Variants in GIPC2 observed in about 807,000 individuals in gnomAD.
GIPC2 encodes the protein GIPC PDZ domain containing family member 2.
In GIPC2, 30 loss-of-function variants were observed where a neutral mutation model predicts 30.6. That is an observed-to-expected ratio of 0.98 (90% CI 0.73 to 1.33). The LOEUF (loss-of-function observed/expected upper bound fraction) is 1.33. Ranked by LOEUF, GIPC2 falls within the 40% of genes most tolerant of loss-of-function variation. GIPC2 has a pLI of 0.00. For synonymous variants in GIPC2, 167 were observed against 150.0 expected (o/e 1.11, Z -0.83); for missense variants, 414 against 390.3 (o/e 1.06, Z -0.51).
rs1661089545 is a variant in GIPC2, at chr1:78,046,471, C to T, written c.240+137C>T. ...GATGCCGTGTTGAGTCCGCCGGGGG[C>T]GTCCCGGGGGAAAGTGAGTGTGCCT... On this transcript the variant is annotated intron_variant, in intron 1 of 5. Coordinates refer to ENST00000370759, the MANE Select transcript of GIPC2 (RefSeq NM_017655.6). The T allele has an allele frequency of 7.9e-6, 6 of 763,474 alleles. No individual in the cohort carries two copies. The Admixed American group carries it at 1.6e-4, about 20-fold the overall frequency. 47.3% of individuals were successfully genotyped at this position (763,474 alleles called of 1,614,324 possible). A position where few individuals can be genotyped will look rare whatever the true frequency, so the allele number is the denominator to read the frequency against.
chr1:78,075,521 G>A (rs1426248188), intron 1 of GIPC2, among the ~76,000 whole-genome samples: 3 of 152,142 alleles, frequency 2.0e-5, no homozygotes, highest in Non-Finnish European at 4.4e-5. Flanking sequence ...TGTCACCAAG[G>A]ACTTAGGTTT....
chr1:78,059,788 A>T (rs1661359173), intron 1 of GIPC2, among the ~76,000 whole-genome samples: 1 of 152,164 alleles, frequency 6.6e-6, no homozygotes, highest in South Asian at 2.1e-4. Context: ...TAACAAAAAG[A>T]AAAAAAGAAA....
Position 78,062,766 on chromosome 1 carries a change from A to G in GIPC2, c.240+16432A>G, listed in dbSNP as rs147993061. Among the ~76,000 whole-genome samples, 813 of 152,000 alleles carry G rather than the reference A, an allele frequency of 5.3e-3. 4 individuals carry two copies. Among genetic ancestry groups the G allele is most frequent in the South Asian group, 0.023 (111 of 4,794 alleles). ...TGAGCTCAGGTGGTCCACCCACCCA[A>G]AGTGCTGGGATTACATTCATGAGCC... is the stretch of plus-strand genomic sequence containing the variant. On this transcript the variant is annotated intron_variant, in intron 1 of 5. Transcript: ENST00000370759.
At chr1:78,103,377 A>C (rs1018350716) in intron 3 of GIPC2, among the ~76,000 whole-genome samples, 1 of 152,214 alleles carries the variant, frequency 6.6e-6, no homozygotes, top group Admixed American at 6.5e-5. Flanking sequence ...TAACCCCTCT[A>C]TAAGCCTGTT....
intron 1 of GIPC2, among the ~76,000 whole-genome samples, chr1:78,072,422 A>G (rs970461271): frequency 1.3e-4 from 20 of 151,812 alleles, no homozygotes; most frequent in African/African-American, 4.4e-4. Context: ...CACATTTACC[A>G]AATATTTTGG....
At chr1:78,104,222 G>A (rs1377276560) in intron 3 of GIPC2, among the ~76,000 whole-genome samples, 2 of 152,036 alleles carry the variant, frequency 1.3e-5, no homozygotes, top group Non-Finnish European at 2.9e-5. Context: ...GATTCAATTA[G>A]GCATTTCTTA....
At chr1:78,093,125 A>G (rs555072748) in intron 2 of GIPC2, among the ~76,000 whole-genome samples, 1 of 152,366 alleles carries the variant, frequency 6.6e-6, no homozygotes, top group South Asian at 2.1e-4. Flanking sequence ...AAGATGTATC[A>G]AGAGATAAAT....
At chr1:78,084,601 T>G (rs1294439075) in intron 2 of GIPC2, among the ~76,000 whole-genome samples, 4 of 152,038 alleles carry the variant, frequency 2.6e-5, no homozygotes, top group Non-Finnish European at 4.4e-5. Context: ...CCCATCAAAA[T>G]TTTTACTTTC....
chr1:78,130,203 A>G (rs1006082161), intron 5 of GIPC2, among the ~76,000 whole-genome samples: 21 of 151,140 alleles, frequency 1.4e-4, no homozygotes, highest in African/African-American at 4.6e-4. Flanking sequence ...CCCGGGTTCA[A>G]GCGATTCTCC....
chr1:78,084,900 T>C (rs992286565), intron 2 of GIPC2, among the ~76,000 whole-genome samples: 3 of 152,162 alleles, frequency 2.0e-5, no homozygotes, highest in Non-Finnish European at 4.4e-5. Flanking sequence ...TAGTTTGACT[T>C]CCTCTTTCCC....
chr1:78,083,001 C>T (rs1264025159), intron 2 of GIPC2, among the ~76,000 whole-genome samples: 1 of 152,010 alleles, frequency 6.6e-6, no homozygotes, highest in East Asian at 1.9e-4. Flanking sequence ...TTACTAAGAA[C>T]AAGGATATTC....
At chr1:78,102,101 A>G (rs1662259757) in intron 3 of GIPC2, among the ~76,000 whole-genome samples, 1 of 152,242 alleles carries the variant, frequency 6.6e-6, no homozygotes, top group African/African-American at 2.4e-5. Context: ...AGAGTTTTCA[A>G]AAGCAGGAAG....
chr1:78,060,506 C>G (rs1028560669), intron 1 of GIPC2, among the ~76,000 whole-genome samples: 1 of 152,182 alleles, frequency 6.6e-6, no homozygotes, highest in Non-Finnish European at 1.5e-5. Flanking sequence ...TCAAGTCCTC[C>G]TCTTCCCATT....
intron 1 of GIPC2, among the ~76,000 whole-genome samples, chr1:78,051,511 T>G (rs1267650860): frequency 1.3e-5 from 2 of 152,188 alleles, no homozygotes; most frequent in African/African-American, 4.8e-5. Context: ...TGTTATTCTT[T>G]TTTTTTTGAA....
At chr1:78,070,623 A>G (rs988690164) in intron 1 of GIPC2, among the ~76,000 whole-genome samples, 1 of 152,032 alleles carries the variant, frequency 6.6e-6, no homozygotes, top group Non-Finnish European at 1.5e-5. Context: ...CACCTATTCC[A>G]ATTCTTTATC....
At chr1:78,131,529 G>T (rs1414648009) in intron 5 of GIPC2, among the ~76,000 whole-genome samples, 1 of 152,044 alleles carries the variant, frequency 6.6e-6, no homozygotes, top group Non-Finnish European at 1.5e-5. Context: ...GTTTATTATT[G>T]CAGTATATTG....
At chr1:78,064,213 G>A (rs979754924) in intron 1 of GIPC2, among the ~76,000 whole-genome samples, 10 of 152,224 alleles carry the variant, frequency 6.6e-5, no homozygotes, top group Admixed American at 1.3e-4. Context: ...AATACGCTGT[G>A]TGTAACACAG....
intron 3 of GIPC2, among the ~76,000 whole-genome samples, chr1:78,109,061 A>C (rs1662414672): frequency 6.6e-6 from 1 of 152,244 alleles, no homozygotes; most frequent in East Asian, 1.9e-4. Context: ...TACCTGATTC[A>C]TCATTTAGGT....
chr1:78,049,820 A>G (rs1159632219), intron 1 of GIPC2, among the ~76,000 whole-genome samples: 1 of 152,086 alleles, frequency 6.6e-6, no homozygotes, highest in Non-Finnish European at 1.5e-5. Context: ...TCCTGGTTCT[A>G]AGTCTATTAC....
Sources: allele counts gnomAD v4.1 joint callset (sites outside exome capture counted in the v4.1 genomes callset), GRCh38; gene constraint gnomAD v4.1.1; transcripts MANE v1.5; gene names NCBI Gene and HGNC (gene_info 2026-07-23, HGNC 2026-07-21).